Variants in FNDC3A observed in about 807,000 individuals in gnomAD.
FNDC3A encodes the protein fibronectin type III domain containing 3A, also known as fibronectin type-III domain-containing protein 3A.
FNDC3A carries 32 observed loss-of-function variants against 148.9 expected under a neutral mutation model. The observed-to-expected ratio is 0.21, with a 90% CI of 0.16 to 0.29. The LOEUF (loss-of-function observed/expected upper bound fraction) is 0.29. FNDC3A is among the 10% of genes least tolerant of loss of function. FNDC3A has a pLI of 1.00. For synonymous variants in FNDC3A, 472 were observed against 473.6 expected (o/e 1.00, Z 0.04); for missense variants, 1,191 against 1,452.8 (o/e 0.82, Z 2.93).
chr13:49,057,846 TC>T (rs1169169379), intron 2 of FNDC3A, among the ~76,000 whole-genome samples: 1 of 152,182 alleles, frequency 6.6e-6, no homozygotes, highest in Non-Finnish European at 1.5e-5. Flanking sequence ...AGCAGTTCTC[TC>T]CATTCTCTGC....
At chr13:49,121,206 C>T (rs1205781069) in intron 4 of FNDC3A, among the ~76,000 whole-genome samples, 1 of 152,186 alleles carries the variant, frequency 6.6e-6, no homozygotes, top group Non-Finnish European at 1.5e-5. Context: ...CAAAACCACA[C>T]AACTACATGG....
intron 2 of FNDC3A, among the ~76,000 whole-genome samples, chr13:49,016,935 G>T (rs1311980567): frequency 6.6e-6 from 1 of 151,172 alleles, no homozygotes; most frequent in Admixed American, 6.6e-5. Context: ...TTAATCCTGA[G>T]TTCTAGTTTG....
chr13:49,040,438 C>G (rs1874837431), intron 2 of FNDC3A, among the ~76,000 whole-genome samples: 1 of 152,114 alleles, frequency 6.6e-6, no homozygotes, highest in Non-Finnish European at 1.5e-5. Flanking sequence ...AGGTATCACA[C>G]CAGTAGAGCA....
intron 1 of FNDC3A, among the ~76,000 whole-genome samples, chr13:48,992,749 T>G (rs1039701053): frequency 1.3e-5 from 2 of 152,114 alleles, no homozygotes; most frequent in African/African-American, 2.4e-5. Flanking sequence ...AAATCAAGAG[T>G]AGTTGACACA....
chr13:49,025,807 G>A (rs1473390056), intron 2 of FNDC3A, among the ~76,000 whole-genome samples: 2 of 152,168 alleles, frequency 1.3e-5, no homozygotes, highest in African/African-American at 4.8e-5. Context: ...AGTAAGGCTT[G>A]TGGAGCAATA....
intron 1 of FNDC3A, among the ~76,000 whole-genome samples, chr13:48,990,894 G>T (rs757614893): frequency 2.6e-4 from 40 of 152,074 alleles, no homozygotes; most frequent in Admixed American, 4.6e-4. Flanking sequence ...TTACTTGAAG[G>T]TATACAGTAA....
At chr13:49,105,206 T>G (rs894664740) in intron 3 of FNDC3A, among the ~76,000 whole-genome samples, 1 of 152,184 alleles carries the variant, frequency 6.6e-6, no homozygotes, top group Admixed American at 6.5e-5. Context: ...ATGGAGGGAA[T>G]GTGAATCAGT....
intron 8 of FNDC3A, 119 bp downstream of exon 8, chr13:49,146,054 T>G (rs1163628559): frequency 2.9e-6 from 2 of 683,328 alleles, no homozygotes; most frequent in Non-Finnish European, 4.8e-6. Flanking sequence ...ATCTTTAAGT[T>G]GGCTAATGAT....
At chr13:49,042,198 G>T (rs571628822) in intron 2 of FNDC3A, among the ~76,000 whole-genome samples, 5 of 152,100 alleles carry the variant, frequency 3.3e-5, no homozygotes, top group East Asian at 1.9e-4. Flanking sequence ...AAAATCCATT[G>T]TAAAGCCATC....
intron 3 of FNDC3A, among the ~76,000 whole-genome samples, 173 bp downstream of exon 3, chr13:49,075,537 C>G (rs1179834995): frequency 6.6e-6 from 1 of 152,166 alleles, no homozygotes; most frequent in Non-Finnish European, 1.5e-5. Context: ...TAACTAGTCT[C>G]TTTGCCCTGG....
chr13:49,002,536 C>T (rs1473899602), intron 1 of FNDC3A, among the ~76,000 whole-genome samples: 1 of 151,960 alleles, frequency 6.6e-6, no homozygotes, highest in African/African-American at 2.4e-5. Flanking sequence ...CACATAATAG[C>T]CCCCCAGGTC....
chr13:49,145,658 C>T (rs953684408), intron 7 of FNDC3A, 120 bp from the exon 8 acceptor site: 2 of 762,626 alleles, frequency 2.6e-6, no homozygotes, highest in Non-Finnish European at 4.2e-6. Flanking sequence ...TATTTGTGAG[C>T]CATTTTATCT....
intron 2 of FNDC3A, among the ~76,000 whole-genome samples, chr13:49,029,544 G>A (rs1352060477): frequency 1.3e-5 from 2 of 152,112 alleles, no homozygotes; most frequent in Admixed American, 1.3e-4. Context: ...CCCAGAGCTG[G>A]CAGAAGAAAA....
At chr13:49,146,271 T>G (rs141505803) in intron 8 of FNDC3A, 10 of 196,828 alleles carry the variant, frequency 5.1e-5, no homozygotes, top group Admixed American at 3.7e-4. Flanking sequence ...AATTCATGAT[T>G]GTAAACTCAT....
intron 2 of FNDC3A, among the ~76,000 whole-genome samples, chr13:49,071,666 A>G (rs936507453): frequency 2.0e-5 from 3 of 148,562 alleles, no homozygotes; most frequent in African/African-American, 4.9e-5. Flanking sequence ...GGCCATTTGT[A>G]TGTCTTCTTT....
At chr13:49,026,066 T>C (rs1873690417) in intron 2 of FNDC3A, among the ~76,000 whole-genome samples, 1 of 152,226 alleles carries the variant, frequency 6.6e-6, no homozygotes, top group Non-Finnish European at 1.5e-5. Context: ...ATTTATGTAA[T>C]GGAATACTAG....
chr13:49,029,453 G>A (rs1873955252), intron 2 of FNDC3A, among the ~76,000 whole-genome samples: 1 of 152,054 alleles, frequency 6.6e-6, no homozygotes, highest in Admixed American at 6.5e-5. Flanking sequence ...ACCCTTAAAA[G>A]CCTGTGTTTA....
intron 8 of FNDC3A, among the ~76,000 whole-genome samples, chr13:49,150,938 C>T (rs1002905503): frequency 2.9e-4 from 32 of 109,222 alleles, no homozygotes; most frequent in Non-Finnish European, 5.4e-4. Flanking sequence ...AGCAAGACTC[C>T]GTCTCAAAAA....
At chr13:49,020,545 A>G (rs1276770665) in intron 2 of FNDC3A, among the ~76,000 whole-genome samples, 1 of 152,236 alleles carries the variant, frequency 6.6e-6, no homozygotes, top group African/African-American at 2.4e-5. Flanking sequence ...TGCGCCACAT[A>G]GTCTTCACCT....
Sources: gnomAD v4.1 joint callset for allele counts (sites outside exome capture counted in the v4.1 genomes callset) on GRCh38, gnomAD v4.1.1 for gene constraint, MANE v1.5 for transcripts, NCBI Gene and HGNC (gene_info 2026-07-23, HGNC 2026-07-21) for gene names.